Variants in GRSF1 observed in about 807,000 individuals in gnomAD.
GRSF1 encodes the protein G-rich RNA sequence binding factor 1.
Under a neutral mutation model 51.1 loss-of-function variants are expected in GRSF1, and 50 were observed. That is an observed-to-expected ratio of 0.98 (90% confidence interval 0.78 to 1.24). The LOEUF (loss-of-function observed/expected upper bound fraction) is 1.24. Among genes scored for constraint, GRSF1 ranks in the 50% most tolerant of loss-of-function variants. GRSF1 has a pLI of 0.00. For missense variants in GRSF1, 700 were observed against 639.7 expected (o/e 1.09, Z -1.02); for synonymous variants, 293 against 253.3 (o/e 1.16, Z -1.49).
intron 2 of GRSF1, among the ~76,000 whole-genome samples, chr4:70,835,152 CCAT>C (rs1445957452): frequency 1.3e-5 from 2 of 151,740 alleles, no homozygotes; most frequent in Non-Finnish European, 2.9e-5. Context: ...ACGTAGTATT[CCAT>C]CATACCAGCC....
rs752608379 is a variant in GRSF1, at chr4:70,839,862, T to G, written c.-35A>C. ...AGGCGGCGCAGGGCCTGAAGGCAGC[T>G]GCTCCAGCAGCGATGGTGGAACGGA... On this transcript the variant is annotated 5_prime_UTR_variant, in exon 1 of 10. Transcript: ENST00000254799. The G allele has an allele frequency of 4.8e-6, 7 of 1,450,908 alleles. No homozygotes were observed. In the East Asian group the frequency reaches 1.2e-4, roughly 24 times the overall value. 89.9% of individuals were successfully genotyped at this position (1,450,908 alleles called of 1,614,324 possible).
chr4:70,824,652 G>A (rs746290822), intron 8 of GRSF1, among the ~76,000 whole-genome samples: 11 of 151,888 alleles, frequency 7.2e-5, no homozygotes, highest in Admixed American at 1.3e-4. Flanking sequence ...GTGTGGTGGT[G>A]GGTGCCTATA....
Position 70,818,431 on chromosome 4 carries a change from A to G in GRSF1, c.*2456T>C, listed in dbSNP as rs1356312895. ...TTCATGGCACACAATGTTGCCTTCA[A>G]ACTGGGTTCCTTATGCTTCCCCCTT... On this transcript the variant is annotated 3_prime_UTR_variant, in exon 10 of 10. Transcript: ENST00000254799. 2.6e-5 allele frequency: 4 copies of G among 152,216 alleles called. No individual in the cohort carries two copies. The highest frequency in any genetic ancestry group is 4.4e-5 in the Non-Finnish European group (3 of 68,036). 9.4% of individuals were successfully genotyped at this position (152,216 alleles called of 1,614,324 possible).
chr4:70,842,935 T>C (rs540125521), upstream of GRSF1, among the ~76,000 whole-genome samples: 1 of 152,078 alleles, frequency 6.6e-6, no homozygotes, highest in East Asian at 1.9e-4. Flanking sequence ...GGTCACACGC[T>C]CTCTCACAGC....
Position 70,823,136 on chromosome 4 carries a change from C to T in GRSF1, c.*25+1158G>A, listed in dbSNP as rs148428922. 3.8e-3 allele frequency among the ~76,000 whole-genome samples: 572 copies of T among 152,302 alleles called. 4 individuals are homozygous for T. Among genetic ancestry groups the T allele is most frequent in the African/African-American group, 0.011 (469 of 41,564 alleles). The stretch of plus-strand genomic sequence containing the variant: ...GTAGGCCGGACACAGTGGCTCACGC[C>T]TGTAATCCCAGCACTTTGGGAGGCC... On this transcript the variant is annotated intron_variant, in intron 9 of 9. Coordinates refer to ENST00000254799, the MANE Select transcript of GRSF1 (RefSeq NM_002092.4).
chr4:70,837,119 T>G (rs1287864481), intron 1 of GRSF1, among the ~76,000 whole-genome samples: 2 of 152,138 alleles, frequency 1.3e-5, no homozygotes, highest in Non-Finnish European at 2.9e-5. Context: ...CCAGACCAAG[T>G]GATTAAGGGA....
intron 5 of GRSF1, among the ~76,000 whole-genome samples, chr4:70,828,266 C>T (rs1414062137): frequency 6.6e-6 from 1 of 152,206 alleles, no homozygotes; most frequent in Non-Finnish European, 1.5e-5. Context: ...TTTTTCTTCA[C>T]ATACATTTTA....
intron 5 of GRSF1, among the ~76,000 whole-genome samples, 179 bp downstream of exon 5, chr4:70,831,360 A>T (rs1733959053): frequency 6.6e-6 from 1 of 152,184 alleles, no homozygotes; most frequent in South Asian, 2.1e-4. Context: ...TGTCTCAAAA[A>T]AAAAAAAAAG....
chr4:70,832,572 C>T (rs1734027250), intron 3 of GRSF1, 122 bp from the exon 4 acceptor site: 23 of 606,506 alleles, frequency 3.8e-5, no homozygotes, highest in South Asian at 8.8e-5. Flanking sequence ...AATCTTTATG[C>T]GCTTCTCTAG....
chr4:70,837,555 C>T (rs1392935933), intron 1 of GRSF1, among the ~76,000 whole-genome samples: 7 of 89,186 alleles, frequency 7.8e-5, no homozygotes, highest in Admixed American at 4.1e-4. Flanking sequence ...CAGAGCAAGA[C>T]TCCGTCTCAA....
chr4:70,829,276 A>G (rs1733864268), intron 5 of GRSF1, among the ~76,000 whole-genome samples: 1 of 152,226 alleles, frequency 6.6e-6, no homozygotes, highest in Admixed American at 6.5e-5. Flanking sequence ...TTAGATGAGC[A>G]CTACTTCTTT....
At chr4:70,828,168 G>A in intron 5 of GRSF1, 132 bp from the exon 6 acceptor site, 1 of 664,546 alleles carries the variant, frequency 1.5e-6, no homozygotes, top group South Asian at 1.8e-5. Context: ...TAACAGGTAG[G>A]GAAAACTAAT....
rs553805188 is a variant in GRSF1 at position 70,839,131 on chromosome 4, G to T, written c.357+340C>A. ...CAACTTCACAACCAGCCGGCGGAAA[G>T]CAAGAAGATGCGAGGTGGGGGCGTC... On this transcript the variant is annotated intron_variant, in intron 1 of 9. Coordinates refer to ENST00000254799, the MANE Select transcript of GRSF1 (RefSeq NM_002092.4). 2.7e-5 allele frequency: 35 copies of T among 1,308,576 alleles called. No individual in the cohort carries two copies. In the African/African-American group the frequency reaches 5.3e-4, roughly 20 times the overall value. The allele number at this position is 1,308,576 out of a possible 1,614,324, so 81.1% of individuals were successfully genotyped here.
chr4:70,822,583 CAAAAAAAA>C (rs749025985), intron 9 of GRSF1, among the ~76,000 whole-genome samples: 3,759 of 20,444 alleles, frequency 0.18, 58 homozygotes, highest in Middle Eastern at 0.27. Flanking sequence ...GATTTCATAT[CAAAAAAAA>C]AAAAAAAAAA....
intron 9 of GRSF1, among the ~76,000 whole-genome samples, chr4:70,822,521 T>G (rs1229203460): frequency 1.3e-5 from 2 of 149,726 alleles, no homozygotes; most frequent in Non-Finnish European, 2.9e-5. Context: ...AGGCAGGGGT[T>G]GCAGTGAGCT....
intron 3 of GRSF1, 48 bp downstream of exon 3, chr4:70,833,070 A>T: frequency 1.9e-6 from 3 of 1,552,892 alleles, no homozygotes; most frequent in Non-Finnish European, 2.6e-6. Context: ...TGAAAAGTAT[A>T]AAACCTAATG....
At position 70,825,366 on chromosome 4, in the gene GRSF1, T is replaced by A; in HGVS notation, c.1323A>T (p.Gly441=). Residue 441 remains glycine, a synonymous_variant, in exon 8 of 10, where the codon GGA becomes GGT. Transcript: ENST00000254799. Reference sequence around the variant, plus strand: ...GGGTCTCAAAGTGCACATCAGCTTCTCCAGTGGCCTTCCCACTGGAGCTGT... The same window carrying A: ...GGGTCTCAAAGTGCACATCAGCTTCACCAGTGGCCTTCCCACTGGAGCTGT... The part of the protein sequence containing the change: ...MEYSSSGKAT[G]EADVHFETHE... 1.2e-6 allele frequency: 2 copies of A among 1,612,072 alleles called. No homozygotes were observed. Among genetic ancestry groups the A allele is most frequent in the Non-Finnish European group, 1.7e-6 (2 of 1,178,616 alleles).
intron 4 of GRSF1, 88 bp downstream of exon 4, chr4:70,832,219 G>T: frequency 2.9e-6 from 3 of 1,050,694 alleles, no homozygotes; most frequent in Non-Finnish European, 2.8e-6. Context: ...GCATGCCTTT[G>T]CCCAGAAACA....
chr4:70,822,566 AGAGT>A (rs1174563563), intron 9 of GRSF1, among the ~76,000 whole-genome samples: 4 of 151,098 alleles, frequency 2.6e-5, no homozygotes, highest in East Asian at 1.9e-4. Context: ...CTGGGCAAAA[AGAGT>A]GAGATTTCAT....
Sources: allele counts gnomAD v4.1 joint callset (sites outside exome capture counted in the v4.1 genomes callset), GRCh38; gene constraint gnomAD v4.1.1; transcripts MANE v1.5; gene names NCBI Gene and HGNC (gene_info 2026-07-23, HGNC 2026-07-21).